The following GSE1 variants were observed in gnomAD, a reference collection of about 807,000 sequenced individuals.
GSE1 encodes genetic suppressor element 1.
Under a neutral mutation model 112.6 loss-of-function variants are expected in GSE1, and 32 were observed. The observed-to-expected ratio is 0.28, with a 90% confidence interval of 0.21 to 0.38. The LOEUF (loss-of-function observed/expected upper bound fraction) is 0.38, where lower values mean the gene tolerates loss of function less well. GSE1 is among the 10% of genes least tolerant of loss of function. The probability of loss-of-function intolerance (pLI) is 1.00; values close to 1 mark genes in which losing one functional copy is unlikely to be tolerated. For missense variants in GSE1, 2,348 were observed against 1,699.2 expected (o/e 1.38, Z -6.71); for synonymous variants, 1,115 against 735.6 (o/e 1.52, Z -8.35).
chr16:85,404,303 C>CT (rs762682235), intron 2 of GSE1, among the ~76,000 whole-genome samples: 12 of 71,362 alleles, frequency 1.7e-4, no homozygotes, highest in East Asian at 4.4e-4. Flanking sequence ...TCAGGCCCCC[C>CT]GGATAATCCT....
chr16:85,511,343 A>G (rs973842633), intron 2 of GSE1, among the ~76,000 whole-genome samples: 3 of 152,176 alleles, frequency 2.0e-5, no homozygotes, highest in Non-Finnish European at 4.4e-5. Context: ...CCCGACCAAC[A>G]TGGAGAAACC....
chr16:85,297,122 C>T (rs1161437587), intron 1 of GSE1, among the ~76,000 whole-genome samples: 5 of 152,192 alleles, frequency 3.3e-5, no homozygotes, highest in Admixed American at 3.3e-4. Context: ...AATCCTGCTG[C>T]CCGCCCTCTA....
At chr16:85,391,487 G>A (rs929300504) in intron 2 of GSE1, among the ~76,000 whole-genome samples, 5 of 152,172 alleles carry the variant, frequency 3.3e-5, no homozygotes, top group African/African-American at 9.6e-5. Flanking sequence ...TCCAGCCGGC[G>A]ATGCTTCCTG....
rs185901654 is a variant in GSE1, at chr16:85,247,487, G to A, written c.2283+75680G>A. ...CCGGGCCTGAGCCAGAGAGGAGGAC[G>A]GGATGAGGGCCGGACCCGCACGTCA... On this transcript the variant is annotated intron_variant, in intron 1 of 2. Coordinates refer to the GSE1 transcript ENST00000637419. Among the ~76,000 whole-genome samples, 252 of 152,288 alleles carry A rather than the reference G, an allele frequency of 1.7e-3. 2 individuals carry two copies. Among genetic ancestry groups the A allele is most frequent in the African/African-American group, 5.6e-3 (233 of 41,564 alleles).
chr16:85,555,508 C>A, upstream of GSE1: 9 of 985,054 alleles, frequency 9.1e-6, no homozygotes, highest in Non-Finnish European at 1.1e-5. Flanking sequence ...GAGAAGAAAT[C>A]TCCCCCTCGG....
chr16:85,170,156 AGGAGTGGAGGCCG>A lies in GSE1; in HGVS notation c.634_646del (p.Glu212LeufsTer57). The stretch of plus-strand genomic sequence containing the variant: ...CCAGGGCCTCGCGGGGGGCGCGGCC[AGGAGTGGAGGCCG>A]GCTCCGGGACCCGCTCCGGGACAGG... On this transcript the variant is annotated frameshift_variant, in exon 1 of 3. Coordinates refer to the GSE1 transcript ENST00000637419. LOFTEE classifies it high-confidence loss of function. 1 of 985,096 alleles carries A rather than the reference AGGAGTGGAGGCCG, an allele frequency of 1.0e-6. No homozygotes were observed. Among genetic ancestry groups the A allele is most frequent in the Non-Finnish European group, 1.2e-6 (1 of 829,826 alleles). The allele number at this position is 985,096 out of a possible 1,614,324, so 61.0% of individuals were successfully genotyped here.
At chr16:85,189,621 G>A (rs555454984) in intron 1 of GSE1, among the ~76,000 whole-genome samples, 1 of 152,210 alleles carries the variant, frequency 6.6e-6, no homozygotes, top group Non-Finnish European at 1.5e-5. Context: ...TTAAAAACCT[G>A]TTCCAGTTGG....
At chr16:85,562,629 C>T (rs538864412) in intron 1 of GSE1, among the ~76,000 whole-genome samples, 6 of 152,328 alleles carry the variant, frequency 3.9e-5, no homozygotes, top group East Asian at 1.9e-4. Context: ...TGGACAGAGC[C>T]GGGAAGGGGA....
At chr16:85,652,528 C>T (rs1285971014) in intron 3 of GSE1, among the ~76,000 whole-genome samples, 4 of 150,936 alleles carry the variant, frequency 2.7e-5, no homozygotes, top group Non-Finnish European at 5.9e-5. Context: ...CAGATGCTGC[C>T]TCTCATTGAA....
chr16:85,467,209 G>T (rs77735353), intron 2 of GSE1, among the ~76,000 whole-genome samples: 1 of 152,202 alleles, frequency 6.6e-6, no homozygotes, highest in Admixed American at 6.5e-5. Context: ...CATAAGGAGC[G>T]AGGGGCCGGA....
chr16:85,170,215 G>A, exon 1 of GSE1: 2 of 985,412 alleles, frequency 2.0e-6, no homozygotes, highest in Non-Finnish European at 2.4e-6. Flanking sequence ...CTCGGCGCAG[G>A]GGCGCGCGGA....
At chr16:85,562,289 G>A (rs2151291529) in intron 1 of GSE1, among the ~76,000 whole-genome samples, 1 of 152,328 alleles carries the variant, frequency 6.6e-6, no homozygotes, top group East Asian at 1.9e-4. Context: ...TCTGTCGGCT[G>A]GGAAAGCCAG....
chr16:85,671,406 C>G (rs998351276), intron 15 of GSE1, among the ~76,000 whole-genome samples: 12 of 128,310 alleles, frequency 9.4e-5, no homozygotes, highest in Middle Eastern at 9.8e-3. Flanking sequence ...CGCCACTGCA[C>G]TCCAGCCTGG....
chr16:85,664,224 T>C (rs1018250850), intron 11 of GSE1, among the ~76,000 whole-genome samples: 1 of 152,250 alleles, frequency 6.6e-6, no homozygotes, highest in Non-Finnish European at 1.5e-5. Flanking sequence ...GCTGGCTTGG[T>C]GCCCAGATGT....
At chr16:85,478,177 T>G (rs1216593268) in intron 2 of GSE1, among the ~76,000 whole-genome samples, 1 of 152,176 alleles carries the variant, frequency 6.6e-6, no homozygotes, top group African/African-American at 2.4e-5. Context: ...TCTTCACGGT[T>G]CGTCCGTGCA....
intron 1 of GSE1, among the ~76,000 whole-genome samples, chr16:85,345,882 G>T (rs1256626620): frequency 2.0e-5 from 3 of 152,216 alleles, no homozygotes; most frequent in Non-Finnish European, 4.4e-5. Flanking sequence ...ACAGGTGGAT[G>T]AGTGGATGAA....
At chr16:85,529,360 G>A (rs983097083) in intron 2 of GSE1, among the ~76,000 whole-genome samples, 4 of 152,224 alleles carry the variant, frequency 2.6e-5, no homozygotes, top group Non-Finnish European at 5.9e-5. Flanking sequence ...GCCTCAGCCT[G>A]CAGCCATGTT....
chr16:85,567,044 C>T (rs1241300600), intron 1 of GSE1, among the ~76,000 whole-genome samples: 1 of 145,056 alleles, frequency 6.9e-6, no homozygotes, highest in Non-Finnish European at 1.5e-5. Flanking sequence ...GCCCCCACCC[C>T]CACCCCCACC....
Position 85,643,794 on chromosome 16 carries a change from C to T in GSE1, c.227-4758C>T, listed in dbSNP as rs186824399. 2.3e-3 allele frequency among the ~76,000 whole-genome samples: 357 copies of T among 152,300 alleles called. 6 individuals carry two copies. The highest frequency in any genetic ancestry group is 0.022 in the Admixed American group (330 of 15,304). ...TCCCAGCTCCCCACTGTCCGGTCCC[C>T]AGGGAGGACCCACAGCCCACCTGGC... On this transcript the variant is annotated intron_variant, in intron 2 of 15. Coordinates refer to ENST00000253458, the MANE Select transcript of GSE1 (RefSeq NM_014615.5).
Sources: gnomAD v4.1 joint callset for allele counts (sites outside exome capture counted in the v4.1 genomes callset) on GRCh38, gnomAD v4.1.1 for gene constraint, MANE v1.5 for transcripts, NCBI Gene and HGNC (gene_info 2026-07-23, HGNC 2026-07-21) for gene names.